The following TAOK3 variants were observed in gnomAD, a reference collection of about 807,000 sequenced individuals.
TAOK3 encodes the protein TAO kinase 3.
A neutral mutation model predicts 120.4 loss-of-function variants in TAOK3; 40 were observed. The ratio of observed to expected loss-of-function variants is 0.33; its 90% CI spans 0.26 to 0.43. The LOEUF is 0.43. Among genes scored for constraint, TAOK3 ranks in the 20% least tolerant of loss-of-function variants. TAOK3 has a pLI of 1.00. For synonymous variants in TAOK3, 355 were observed against 387.5 expected, an observed-to-expected ratio of 0.92 and a Z score of 0.99; for missense variants, 821 against 1,112.1, an observed-to-expected ratio of 0.74 and a Z score of 3.72.
At chr12:118,185,398 T>C (rs2037012509) in intron 14 of TAOK3, among the ~76,000 whole-genome samples, 1 of 152,156 alleles carries the variant, frequency 6.6e-6, no homozygotes, top group South Asian at 2.1e-4. Context: ...AGCAACTTCC[T>C]GAACATAAAA....
At position 118,214,578 on chromosome 12, in the gene TAOK3, CT is replaced by C. The variant is rs34183512; in HGVS notation, c.644-469del. On this transcript the variant is annotated intron_variant, in intron 9 of 20. Transcript: ENST00000392533. Reference sequence around the variant, plus strand: ...GAAAAAAGATTACTATAAAATGCAACTTTTTTTTTTTTTTTTGTGACGGAGT... The same window carrying C: ...GAAAAAAGATTACTATAAAATGCAACTTTTTTTTTTTTTTTGTGACGGAGT... 4.1e-3 allele frequency among the ~76,000 whole-genome samples: 572 copies of C among 140,478 alleles called. 5 individuals carry two copies. Among genetic ancestry groups the C allele is most frequent in the East Asian group, 0.025 (120 of 4,858 alleles). 92.2% of individuals were successfully genotyped at this position (140,478 alleles called of 152,430 possible). A position where few individuals can be genotyped will look rare whatever the true frequency, so the allele number is the denominator to read the frequency against.
chr12:118,238,000 G>T, intron 7 of TAOK3, 73 bp downstream of exon 7: 1 of 964,254 alleles, frequency 1.0e-6, no homozygotes. Flanking sequence ...ATTGGAGCAT[G>T]CACTAATTTT....
At chr12:118,179,947 GTTTT>G (rs34157387) in intron 15 of TAOK3, among the ~76,000 whole-genome samples, 1 of 118,174 alleles carries the variant, frequency 8.5e-6, no homozygotes. Context: ...TGCCTGGCTG[GTTTT>G]TTTTTTTTTT....
intron 8 of TAOK3, 90 bp downstream of exon 8, chr12:118,235,468 C>T: frequency 1.1e-6 from 1 of 932,768 alleles, no homozygotes; most frequent in Non-Finnish European, 1.7e-6. Flanking sequence ...ATTGGTAAGA[C>T]ACTGTCACAA....
intron 1 of TAOK3, among the ~76,000 whole-genome samples, chr12:118,342,795 A>G (rs2044670338): frequency 6.6e-6 from 1 of 151,986 alleles, no homozygotes; most frequent in Non-Finnish European, 1.5e-5. Context: ...TTAGCCAGGC[A>G]AGGTAGCAGG....
intron 1 of TAOK3, among the ~76,000 whole-genome samples, chr12:118,276,359 T>A (rs1013212283): frequency 2.0e-5 from 3 of 152,174 alleles, no homozygotes; most frequent in Admixed American, 6.5e-5. Flanking sequence ...CAAAGATGAC[T>A]CCAAGCCTTA....
chr12:118,164,529 C>A (rs905213900), intron 17 of TAOK3, among the ~76,000 whole-genome samples: 1 of 151,692 alleles, frequency 6.6e-6, no homozygotes, highest in Non-Finnish European at 1.5e-5. Context: ...GCAATTCTCC[C>A]GCCTCAGCCT....
At chr12:118,224,821 A>T (rs897159031) in intron 9 of TAOK3, among the ~76,000 whole-genome samples, 1 of 152,120 alleles carries the variant, frequency 6.6e-6, no homozygotes, top group African/African-American at 2.4e-5. Context: ...GGGTGTTTTT[A>T]AAAAAATATA....
At chr12:118,285,009 TA>T (rs550415823) in intron 1 of TAOK3, among the ~76,000 whole-genome samples, 205 of 144,816 alleles carry the variant, frequency 1.4e-3, no homozygotes, top group Admixed American at 1.7e-3. Flanking sequence ...TGCTTCATTG[TA>T]AAAAAAAAAA....
intron 9 of TAOK3, among the ~76,000 whole-genome samples, chr12:118,229,653 C>T (rs376268232): frequency 8.0e-4 from 122 of 152,076 alleles, no homozygotes; most frequent in Non-Finnish European, 1.4e-3. Context: ...AACACTAGGC[C>T]GGGCCTGGTG....
intron 19 of TAOK3, among the ~76,000 whole-genome samples, chr12:118,155,082 G>A (rs993860837): frequency 6.6e-5 from 10 of 151,672 alleles, no homozygotes; most frequent in African/African-American, 2.4e-4. Flanking sequence ...TGCAACCTCC[G>A]ACTCCCTGGT....
intron 7 of TAOK3, 144 bp from the exon 8 acceptor site, chr12:118,235,815 G>A (rs1043406645): frequency 1.7e-6 from 1 of 590,674 alleles, no homozygotes; most frequent in Non-Finnish European, 3.0e-6. Context: ...TAGCCAGAAG[G>A]AGATTTAGTA....
chr12:118,195,744 CT>C (rs1179350947), intron 13 of TAOK3, among the ~76,000 whole-genome samples: 6 of 152,082 alleles, frequency 3.9e-5, no homozygotes, highest in Non-Finnish European at 5.9e-5. Context: ...TCAAATCATT[CT>C]TGCTCAAAAA....
chr12:118,369,036 GA>G (rs2045827201), intron 1 of TAOK3, among the ~76,000 whole-genome samples: 1 of 144,492 alleles, frequency 6.9e-6, no homozygotes, highest in Non-Finnish European at 1.5e-5. Flanking sequence ...AGAAGAAGAA[GA>G]AAAAGCCAGG....
intron 1 of TAOK3, among the ~76,000 whole-genome samples, chr12:118,349,865 C>A (rs1008488033): frequency 6.6e-6 from 1 of 152,148 alleles, no homozygotes. Context: ...TTTCAATCAG[C>A]AAATCTAGGT....
chr12:118,191,347 C>T (rs557174663), intron 13 of TAOK3, among the ~76,000 whole-genome samples: 2 of 152,188 alleles, frequency 1.3e-5, no homozygotes, highest in East Asian at 3.8e-4. Flanking sequence ...ATGAAGGGAT[C>T]TTTAATAAAC....
chr12:118,226,332 C>T (rs899986796), intron 9 of TAOK3, among the ~76,000 whole-genome samples: 5 of 151,762 alleles, frequency 3.3e-5, no homozygotes, highest in African/African-American at 9.7e-5. Flanking sequence ...GCTGAGATTG[C>T]GCCACTGCAC....
Position 118,161,055 on chromosome 12 carries a change from A to C in TAOK3, c.2140-697T>G, listed in dbSNP as rs1225127164. Among the ~76,000 whole-genome samples the C allele has an allele frequency of 6.6e-6, 1 of 152,254 alleles. No individual in the cohort carries two copies. The highest frequency in any genetic ancestry group is 1.5e-5 in the Non-Finnish European group (1 of 68,044). On this transcript the variant is annotated intron_variant, in intron 18 of 20. Coordinates refer to ENST00000392533, the MANE Select transcript of TAOK3 (RefSeq NM_016281.4). The surrounding 1 kb of genome is among the most constrained non-coding windows in gnomAD (Gnocchi z 4.5). ...AAGGCATTCCATCAGGTTGCCCCAC[A>C]GTCATGTGTGCACTTCACGAACACT...
intron 14 of TAOK3, among the ~76,000 whole-genome samples, chr12:118,182,624 T>TATATATATATATA (rs371618546): frequency 2.7e-4 from 16 of 59,272 alleles, no homozygotes; most frequent in East Asian, 1.0e-3. Flanking sequence ...TATATATATA[T>TATATATATATATA]TTTTTTTTTT....
Sources: allele counts gnomAD v4.1 joint callset (sites outside exome capture counted in the v4.1 genomes callset), GRCh38; gene constraint gnomAD v4.1.1; non-coding constraint Gnocchi (gnomAD v3.1); transcripts MANE v1.5; gene names NCBI Gene and HGNC (gene_info 2026-07-23, HGNC 2026-07-21).